DPYD: variants seen among roughly 807,000 people sequenced by gnomAD.
The protein encoded by DPYD is dihydropyrimidine dehydrogenase, also known as dihydropyrimidine dehydrogenase [NADP(+)].
Under a neutral mutation model 116.2 loss-of-function variants are expected in DPYD, and 109 were observed. That is an observed-to-expected ratio of 0.94 (90% CI 0.80 to 1.10). DPYD has a LOEUF of 1.10. Ranked by LOEUF, DPYD falls within the 50% of genes least tolerant of loss-of-function variation. The pLI is 0.00. For synonymous variants in DPYD, 440 were observed against 432.0 expected (o/e 1.02, Z -0.23); for missense variants, 1,302 against 1,254.5 (o/e 1.04, Z -0.57).
At chr1:97,289,295 C>T (rs920087624) in intron 18 of DPYD, among the ~76,000 whole-genome samples, 15 of 152,024 alleles carry the variant, frequency 9.9e-5, no homozygotes, top group Non-Finnish European at 1.9e-4. Flanking sequence ...TGAAACTATT[C>T]CAATCAATAG....
At chr1:97,663,494 A>C (rs1246565118) in intron 8 of DPYD, among the ~76,000 whole-genome samples, 4 of 152,292 alleles carry the variant, frequency 2.6e-5, no homozygotes, top group Middle Eastern at 3.4e-3. Flanking sequence ...CAGCTCTTGC[A>C]GCCCTACCTT....
chr1:97,295,991 C>T (rs1666502264), intron 18 of DPYD: 1 of 153,154 alleles, frequency 6.5e-6, no homozygotes, highest in South Asian at 2.1e-4. Context: ...ATTTTGTATG[C>T]CTGAGAAACA....
intron 11 of DPYD, among the ~76,000 whole-genome samples, chr1:97,570,847 A>T (rs1464925353): frequency 6.6e-6 from 1 of 151,844 alleles, no homozygotes; most frequent in African/African-American, 2.4e-5. Context: ...TGACTCGCTC[A>T]TTTTCATACT....
chr1:97,559,062 G>A (rs1361874494), intron 11 of DPYD, among the ~76,000 whole-genome samples: 1 of 151,966 alleles, frequency 6.6e-6, no homozygotes, highest in Non-Finnish European at 1.5e-5. Context: ...AATCTGGTTT[G>A]GACCATAATC....
intron 21 of DPYD, among the ~76,000 whole-genome samples, 156 bp downstream of exon 21, chr1:97,098,333 A>G (rs1431035042): frequency 6.6e-6 from 1 of 152,176 alleles, no homozygotes; most frequent in Non-Finnish European, 1.5e-5. Context: ...TTATAATTTA[A>G]ATGCAGTTTT....
intron 20 of DPYD, among the ~76,000 whole-genome samples, chr1:97,115,063 A>G (rs1055823570): frequency 6.6e-6 from 1 of 152,198 alleles, no homozygotes; most frequent in African/African-American, 2.4e-5. Flanking sequence ...CACAACTGAA[A>G]AAAGGACCAT....
chr1:97,198,210 G>A (rs915963909), intron 19 of DPYD, among the ~76,000 whole-genome samples: 2 of 152,026 alleles, frequency 1.3e-5, no homozygotes, highest in Non-Finnish European at 2.9e-5. Context: ...TGCTGCTGCT[G>A]GACCACACTT....
At position 97,763,727 on chromosome 1, in the gene DPYD, T is replaced by C. The variant is rs528563236; in HGVS notation, c.234-23248A>G. 1.6e-4 allele frequency among the ~76,000 whole-genome samples: 24 copies of C among 152,222 alleles called. 1 individual carries two copies. The highest frequency in any genetic ancestry group is 5.8e-4 in the African/African-American group (24 of 41,570). Reference sequence around the variant, plus strand: ...AAAGGTAATGCATCTTTTAAATTATTGTGATTTATTAATTTGATTATTTTT... The same window carrying C: ...AAAGGTAATGCATCTTTTAAATTATCGTGATTTATTAATTTGATTATTTTT... On this transcript the variant is annotated intron_variant, in intron 3 of 22. Transcript: ENST00000370192.
intron 3 of DPYD, among the ~76,000 whole-genome samples, chr1:97,821,331 C>CAAA (rs35940342): frequency 7.0e-5 from 8 of 113,786 alleles, no homozygotes; most frequent in South Asian, 6.0e-4. Flanking sequence ...AACTCCACCT[C>CAAA]AAAAAAAAAA....
chr1:97,711,850 C>T (rs1003895806), intron 5 of DPYD, among the ~76,000 whole-genome samples: 3 of 151,678 alleles, frequency 2.0e-5, no homozygotes. Context: ...GTTATAATTA[C>T]TCTGGGATCA....
chr1:97,578,717 T>C (rs763678356), intron 10 of DPYD, among the ~76,000 whole-genome samples: 6 of 152,128 alleles, frequency 3.9e-5, no homozygotes, highest in Admixed American at 6.6e-5. Context: ...AAGTGAAAGG[T>C]GAAGGGCTTG....
chr1:97,825,041 CT>C (rs1237812207), intron 3 of DPYD, among the ~76,000 whole-genome samples: 3 of 152,168 alleles, frequency 2.0e-5, no homozygotes, highest in African/African-American at 4.8e-5. Context: ...CACTAATCCT[CT>C]TTTTTTCTCT....
intron 13 of DPYD, among the ~76,000 whole-genome samples, chr1:97,475,868 C>T (rs1677932058): frequency 6.6e-6 from 1 of 152,170 alleles, no homozygotes; most frequent in African/African-American, 2.4e-5. Flanking sequence ...AAAGTTAATA[C>T]CTGATCCAAG....
intron 3 of DPYD, among the ~76,000 whole-genome samples, chr1:97,821,473 T>C (rs1668934847): frequency 6.6e-6 from 1 of 152,046 alleles, no homozygotes; most frequent in African/African-American, 2.4e-5. Context: ...GATTACAGAG[T>C]TGAATCAACC....
chr1:97,334,841 G>A (rs1279070980), intron 16 of DPYD, among the ~76,000 whole-genome samples: 2 of 151,892 alleles, frequency 1.3e-5, no homozygotes, highest in Non-Finnish European at 2.9e-5. Context: ...AGAACAAATA[G>A]ACTTGATGAG....
chr1:97,909,654 T>C (rs1470260789), intron 1 of DPYD, among the ~76,000 whole-genome samples: 5 of 152,086 alleles, frequency 3.3e-5, no homozygotes, highest in Non-Finnish European at 5.9e-5. Flanking sequence ...AAGTTGACTA[T>C]ATACACATCC....
intron 20 of DPYD, among the ~76,000 whole-genome samples, chr1:97,129,772 T>C (rs1266618457): frequency 2.0e-5 from 3 of 152,176 alleles, no homozygotes; most frequent in African/African-American, 7.2e-5. Flanking sequence ...TATTGTAGCA[T>C]TTTTATTCTG....
chr1:97,882,356 T>C (rs1333814963), intron 2 of DPYD, among the ~76,000 whole-genome samples: 1 of 151,942 alleles, frequency 6.6e-6, no homozygotes, highest in Non-Finnish European at 1.5e-5. Flanking sequence ...ATTAGATAAA[T>C]ACAAGCACAC....
intron 13 of DPYD, among the ~76,000 whole-genome samples, chr1:97,450,930 CGAA>C (rs552203210): frequency 8.0e-4 from 121 of 152,042 alleles, no homozygotes; most frequent in African/African-American, 2.8e-3. Flanking sequence ...GCTGTATTAA[CGAA>C]GAAGAATAAC....
Sources: gnomAD v4.1 joint callset for allele counts (sites outside exome capture counted in the v4.1 genomes callset) on GRCh38, gnomAD v4.1.1 for gene constraint, MANE v1.5 for transcripts, NCBI Gene and HGNC (gene_info 2026-07-23, HGNC 2026-07-21) for gene names.